The following DNAH2 variants were observed in gnomAD, a reference collection of about 807,000 sequenced individuals.
The protein encoded by DNAH2 is axonemal beta dynein heavy chain 2.
A neutral mutation model predicts 523.5 loss-of-function variants in DNAH2; 323 were observed. That is an observed-to-expected ratio of 0.62 (90% confidence interval 0.56 to 0.68). The LOEUF (loss-of-function observed/expected upper bound fraction) is 0.68. Among genes scored for constraint, DNAH2 ranks in the 30% least tolerant of loss-of-function variants. The probability of loss-of-function intolerance (pLI) is 0.00; values close to 1 mark genes in which losing one functional copy is unlikely to be tolerated. For synonymous variants in DNAH2, 2,093 were observed against 2,177.4 expected, an observed-to-expected ratio of 0.96 and a Z score of 1.08; for missense variants, 4,907 against 5,701.5, an observed-to-expected ratio of 0.86 and a Z score of 4.49.
chr17:7,761,337 A>G (rs2075999047), intron 18 of DNAH2, among the ~76,000 whole-genome samples: 1 of 152,030 alleles, frequency 6.6e-6, no homozygotes, highest in African/African-American at 2.4e-5. Context: ...GTGTGGTCAT[A>G]GCTCACTGCG....
Position 7,794,373 on chromosome 17 carries a change from G to A in DNAH2, c.7674+15G>A, listed in dbSNP as rs373044840. 8.8e-6 allele frequency: 14 copies of A among 1,597,974 alleles called. No individual in the cohort carries two copies. Among genetic ancestry groups the A allele is most frequent in the South Asian group, 1.1e-5 (1 of 88,962 alleles). ...CCTTCCCCACAGTGAGGACCTCATG[G>A]GGGCTGCAGGACGAGGGGAGGGTAG... On this transcript the variant is annotated intron_variant, in intron 49 of 85. Transcript: ENST00000572933.
chr17:7,808,193 A>T (rs2077419130), intron 63 of DNAH2, among the ~76,000 whole-genome samples: 1 of 152,138 alleles, frequency 6.6e-6, no homozygotes, highest in Non-Finnish European at 1.5e-5. Context: ...CAACATGGTG[A>T]AACCCTATCT....
chr17:7,757,146 A>T lies in DNAH2; in HGVS notation c.1960A>T (p.Thr654Ser), dbSNP rs1179000476. ...CTACTGGGAGCGGCTGCTGTTTGAG[A>T]CGCCCCATTACGTGGTGAACGTAGC... ...IDYWERLLFETPHYVVNVAER... is the reference protein window; with the variant it reads ...IDYWERLLFESPHYVVNVAER... Residue 654 changes from threonine (T) to serine (S), a missense_variant, in exon 13 of 86, where the codon ACG becomes TCG. By Grantham distance (58) the Thr-to-Ser change is moderately conservative. This residue lies in a region of DNAH2 where 2,806 missense variants were observed against 3,190.8 expected (regional missense o/e 0.88). Coordinates refer to ENST00000572933, the MANE Select transcript of DNAH2 (RefSeq NM_020877.5). 6.2e-7 allele frequency: 1 copy of T among 1,614,070 alleles called. No individual in the cohort carries two copies. Among genetic ancestry groups the T allele is most frequent in the Non-Finnish European group, 8.5e-7 (1 of 1,180,016 alleles).
chr17:7,818,493 G>T (rs1224982608), intron 69 of DNAH2, 33 bp downstream of exon 69: 1 of 1,611,730 alleles, frequency 6.2e-7, no homozygotes, highest in South Asian at 1.1e-5. Context: ...ACTGAGCTAG[G>T]GTGAAGCAGG....
At chr17:7,804,854 A>G in intron 59 of DNAH2, 104 bp from the exon 60 acceptor site, 1 of 1,114,824 alleles carries the variant, frequency 9.0e-7, no homozygotes, top group East Asian at 2.4e-5. Flanking sequence ...TCAAAAAAAA[A>G]AAAAAATTCT....
At chr17:7,783,901 A>G (rs1020546419) in intron 39 of DNAH2, among the ~76,000 whole-genome samples, 2 of 152,122 alleles carry the variant, frequency 1.3e-5, no homozygotes, top group African/African-American at 4.8e-5. Context: ...AGGAAAAGTA[A>G]CCATACATTG....
At chr17:7,757,687 C>T (rs1019471776) in intron 13 of DNAH2, among the ~76,000 whole-genome samples, 1 of 152,170 alleles carries the variant, frequency 6.6e-6, no homozygotes, top group Non-Finnish European at 1.5e-5. Context: ...GTTTGGGCTT[C>T]TATAACAAAA....
Position 7,817,881 on chromosome 17 carries a change from G to GC in DNAH2, c.10236+33dup, listed in dbSNP as rs148024366. On this transcript the variant is annotated intron_variant, in intron 67 of 85. Transcript: ENST00000572933. ...GGTGTGAGGCTGGGGGGTCAGGTTA[G>GC]CCCCCCCCTTCCTGAGGCCCCACCT... 1,844 of 1,611,920 alleles carry GC rather than the reference G, an allele frequency of 1.1e-3. 5 individuals carry two copies. Among genetic ancestry groups the GC allele is most frequent in the African/African-American group, 1.4e-3 (101 of 74,720 alleles).
At chr17:7,814,959 T>TA in intron 63 of DNAH2, among the ~76,000 whole-genome samples, 1 of 152,366 alleles carries the variant, frequency 6.6e-6, no homozygotes, top group African/African-American at 2.4e-5. Context: ...ATTTAGGTTT[T>TA]AACCTCGTGC....
At chr17:7,728,530 C>T (rs2151128336) in intron 4 of DNAH2, among the ~76,000 whole-genome samples, 1 of 152,086 alleles carries the variant, frequency 6.6e-6, no homozygotes, top group South Asian at 2.1e-4. Flanking sequence ...GCAAAAGGAA[C>T]CACAATTTGC....
intron 11 of DNAH2, among the ~76,000 whole-genome samples, chr17:7,741,391 A>T (rs1237121087): frequency 1.4e-5 from 2 of 140,230 alleles, no homozygotes; most frequent in African/African-American, 2.7e-5. Context: ...GGAGTCTCAC[A>T]CTGTCGCCCA....
At chr17:7,761,049 A>G (rs1346102040) in intron 18 of DNAH2, 117 bp downstream of exon 18, 40 of 1,281,248 alleles carry the variant, frequency 3.1e-5, no homozygotes, top group Middle Eastern at 5.4e-4. Flanking sequence ...TGTGTCCTCA[A>G]TGACAGGAAA....
At chr17:7,770,662 G>A in intron 26 of DNAH2, 23 bp downstream of exon 26, 1 of 1,614,080 alleles carries the variant, frequency 6.2e-7, no homozygotes, top group Non-Finnish European at 8.5e-7. Context: ...GGGGCTCTAG[G>A]AGAATGGAGG....
At position 7,798,393 on chromosome 17, in the gene DNAH2, G is replaced by C; in HGVS notation, c.8398+69G>C. 1 of 1,552,170 alleles carries C rather than the reference G, an allele frequency of 6.4e-7. No homozygotes were observed. Among genetic ancestry groups the C allele is most frequent in the Non-Finnish European group, 8.7e-7 (1 of 1,147,480 alleles). On this transcript the variant is annotated intron_variant, in intron 54 of 85. Transcript: ENST00000572933. The surrounding 1 kb of genome is among the most constrained non-coding windows in gnomAD (Gnocchi z 5.5). ...CATACATTCCTGCAGTGACAAGAGA[G>C]GAGAGATGGCAGCCAGATGGGCAGA...
In DNAH2 at chr17:7,832,081, C is replaced by T. The variant is rs2078191193; in HGVS notation, c.12726+306C>T. Among the ~76,000 whole-genome samples, 1 of 152,186 alleles carries T rather than the reference C, an allele frequency of 6.6e-6. No homozygotes were observed. The highest frequency in any genetic ancestry group is 1.5e-5 in the Non-Finnish European group (1 of 68,030). ...GCTACCTGGTTAATATTACTGCGGT[C>T]ATTGTTATGAATGAATAGCTGTCGT... On this transcript the variant is annotated intron_variant, in intron 82 of 85. Coordinates refer to ENST00000572933, the MANE Select transcript of DNAH2 (RefSeq NM_020877.5). This position sits in a 1 kb window ranked among gnomAD's most constrained non-coding sequence, Gnocchi z 4.3.
chr17:7,823,416 C>T (rs965169311), intron 73 of DNAH2, 26 bp from the exon 74 acceptor site: 9 of 1,609,656 alleles, frequency 5.6e-6, no homozygotes, highest in African/African-American at 2.7e-5. Flanking sequence ...AAGTCAATCC[C>T]TTTCTTCCTC....
In DNAH2 at chr17:7,821,913, C is replaced by A. The variant is rs958208963; in HGVS notation, c.11142+544C>A. Among the ~76,000 whole-genome samples the A allele has an allele frequency of 3.3e-5, 5 of 152,078 alleles. No individual in the cohort carries two copies. The highest frequency in any genetic ancestry group is 5.9e-5 in the Non-Finnish European group (4 of 68,012). On this transcript the variant is annotated intron_variant, in intron 73 of 85. Transcript: ENST00000572933. This position sits in a 1 kb window ranked among gnomAD's most constrained non-coding sequence, Gnocchi z 5.0. ...AGACAACCATGCTGCACTCTCCCGC[C>A]CTCCTAGACATTTTCTTGACTTTTC...
At chr17:7,719,330 T>C (rs983501641) in intron 1 of DNAH2, among the ~76,000 whole-genome samples, 2 of 152,120 alleles carry the variant, frequency 1.3e-5, no homozygotes, top group African/African-American at 4.8e-5. Flanking sequence ...GGTTTTGCCA[T>C]GTTGGCCAGG....
In DNAH2 at chr17:7,819,093, C is replaced by T. The variant is rs866948495; in HGVS notation, c.10815+30C>T. ...GCTCCCGGCCCTCCAGTCCTGCCTC[C>T]CACCAGCCATCCAAGATGCAACTCC... On this transcript the variant is annotated intron_variant, in intron 71 of 85. Transcript: ENST00000572933. 23 of 1,600,482 alleles carry T rather than the reference C, an allele frequency of 1.4e-5. No homozygotes were observed. In the Middle Eastern group the frequency reaches 5.9e-4, roughly 41 times the overall value.
Sources: allele counts gnomAD v4.1 joint callset (sites outside exome capture counted in the v4.1 genomes callset), GRCh38; gene constraint gnomAD v4.1.1; regional missense constraint gnomAD v4.1.1; non-coding constraint Gnocchi (gnomAD v3.1); transcripts MANE v1.5; gene names NCBI Gene and HGNC (gene_info 2026-07-23, HGNC 2026-07-21).